RIN2: variants seen among roughly 807,000 people sequenced by gnomAD.
RIN2 encodes the protein Ras and Rab interactor 2, also known as RAB5 interacting protein 2.
Under a neutral mutation model 78.0 loss-of-function variants are expected in RIN2, and 36 were observed. The observed-to-expected ratio is 0.46, with a 90% confidence interval of 0.35 to 0.61. RIN2 has a LOEUF of 0.61. Among genes scored for constraint, RIN2 ranks in the 20% least tolerant of loss-of-function variants. The pLI is 0.00. For missense variants in RIN2, 1,087 were observed against 1,159.7 expected, an observed-to-expected ratio of 0.94 and a Z score of 0.91; for synonymous variants, 466 against 466.8, an observed-to-expected ratio of 1.00 and a Z score of 0.02.
chr20:19,951,013 T>C (rs934251340), intron 4 of RIN2, among the ~76,000 whole-genome samples: 14 of 151,924 alleles, frequency 9.2e-5, no homozygotes, highest in African/African-American at 3.4e-4. Flanking sequence ...CCTCAGACTC[T>C]TGAGTAGCTG....
chr20:19,960,926 C>T, intron 6 of RIN2, 115 bp downstream of exon 6: 2 of 642,066 alleles, frequency 3.1e-6, no homozygotes, highest in Admixed American at 5.8e-5. Flanking sequence ...TGAGTCTTGG[C>T]ACTGAATGAC....
At chr20:19,768,471 CG>C (rs1225531432) in intron 1 of RIN2, among the ~76,000 whole-genome samples, 1 of 152,196 alleles carries the variant, frequency 6.6e-6, no homozygotes, top group Non-Finnish European at 1.5e-5. Flanking sequence ...TCTCTGCATG[CG>C]GGCAAAGCGA....
At chr20:19,851,235 A>AT (rs2123187405) in intron 2 of RIN2, among the ~76,000 whole-genome samples, 1 of 152,186 alleles carries the variant, frequency 6.6e-6, no homozygotes, top group Non-Finnish European at 1.5e-5. Context: ...GGCAGGTGAG[A>AT]TGATGCTGGG....
intron 2 of RIN2, among the ~76,000 whole-genome samples, chr20:19,829,355 AAG>A (rs2036185969): frequency 6.6e-6 from 1 of 152,166 alleles, no homozygotes; most frequent in South Asian, 2.1e-4. Context: ...AAGCCAAAAA[AAG>A]AAAAAAAAAT....
chr20:19,885,722 C>T (rs1265099582), intron 2 of RIN2, among the ~76,000 whole-genome samples: 4 of 151,032 alleles, frequency 2.6e-5, no homozygotes, highest in Non-Finnish European at 5.9e-5. Context: ...AGAAAATTTT[C>T]GAAGACAGGA....
intron 3 of RIN2, among the ~76,000 whole-genome samples, chr20:19,919,258 C>G (rs1360058151): frequency 6.6e-6 from 1 of 152,146 alleles, no homozygotes; most frequent in Non-Finnish European, 1.5e-5. Context: ...TTGTAAATTC[C>G]AGGATGCTGG....
At chr20:19,939,387 C>T (rs890833075) in intron 4 of RIN2, among the ~76,000 whole-genome samples, 1 of 152,198 alleles carries the variant, frequency 6.6e-6, no homozygotes, top group African/African-American at 2.4e-5. Flanking sequence ...CACTTCTCAC[C>T]AGCACCACTG....
intron 2 of RIN2, among the ~76,000 whole-genome samples, chr20:19,881,450 T>C (rs2038024612): frequency 2.6e-5 from 4 of 152,198 alleles, no homozygotes; most frequent in Admixed American, 6.5e-5. Flanking sequence ...AGAAGCAAAT[T>C]AGTACATGAG....
At chr20:19,885,424 G>A (rs1019170954) in intron 2 of RIN2, among the ~76,000 whole-genome samples, 1 of 152,146 alleles carries the variant, frequency 6.6e-6, no homozygotes, top group African/African-American at 2.4e-5. Flanking sequence ...CCAGCACTTT[G>A]GGAGGCCGAG....
intron 2 of RIN2, among the ~76,000 whole-genome samples, chr20:19,822,706 T>C (rs1278262105): frequency 6.6e-6 from 1 of 152,184 alleles, no homozygotes; most frequent in Non-Finnish European, 1.5e-5. Context: ...AAGCACCAAA[T>C]ACATCTATTT....
chr20:19,802,464 G>T (rs1034426739), intron 2 of RIN2, among the ~76,000 whole-genome samples: 1 of 124,754 alleles, frequency 8.0e-6, no homozygotes, highest in Non-Finnish European at 1.6e-5. Flanking sequence ...TCTACAAAAA[G>T]TTTCTTTAAA....
chr20:19,930,238 T>C (rs2040389805), intron 3 of RIN2, among the ~76,000 whole-genome samples: 1 of 152,042 alleles, frequency 6.6e-6, no homozygotes, highest in Admixed American at 6.6e-5. Flanking sequence ...TAGAGATAGG[T>C]GGCATGGCAA....
At chr20:19,803,391 G>A (rs2035307868) in intron 2 of RIN2, among the ~76,000 whole-genome samples, 1 of 152,160 alleles carries the variant, frequency 6.6e-6, no homozygotes, top group African/African-American at 2.4e-5. Context: ...TACAAAAACA[G>A]ACACATAGAC....
At chr20:19,767,637 C>A (rs1368903872) in intron 1 of RIN2, among the ~76,000 whole-genome samples, 1 of 151,910 alleles carries the variant, frequency 6.6e-6, no homozygotes, top group African/African-American at 2.4e-5. Context: ...GAATGCGAGG[C>A]TCCTGGCCAG....
chr20:19,995,748 G>A (rs1048727823), intron 11 of RIN2, among the ~76,000 whole-genome samples: 5 of 152,148 alleles, frequency 3.3e-5, no homozygotes, highest in African/African-American at 9.7e-5. Context: ...ACATTTTTGC[G>A]AACAGTTCTT....
chr20:19,986,663 C>T (rs34616669), intron 9 of RIN2, among the ~76,000 whole-genome samples: 2 of 151,924 alleles, frequency 1.3e-5, no homozygotes, highest in African/African-American at 4.8e-5. Context: ...GAAGCAGCTG[C>T]GAGCCTTTTG....
chr20:19,781,624 C>T (rs897445373), intron 1 of RIN2, among the ~76,000 whole-genome samples: 3 of 152,136 alleles, frequency 2.0e-5, no homozygotes, highest in African/African-American at 7.2e-5. Flanking sequence ...GACGGGGTTT[C>T]ACCATGTTGG....
chr20:19,975,556 G>A lies in RIN2; in HGVS notation c.1531G>A (p.Glu511Lys), dbSNP rs375079173. 21 of 1,614,038 alleles carry A rather than the reference G, an allele frequency of 1.3e-5. No individual in the cohort carries two copies. Among genetic ancestry groups the A allele is most frequent in the Admixed American group, 6.7e-5 (4 of 60,032 alleles). ...SGVFSSFMTPEKRMVRRIAEL... is the reference protein window; with the variant it reads ...SGVFSSFMTPKKRMVRRIAEL... The stretch of plus-strand genomic sequence containing the variant: ...GGTGTTCAGCTCCTTCATGACCCCG[G>A]AGAAGCGGATGGTCCGCAGGATCGC... The change falls in exon 9 of 13, where the codon GAG becomes AAG. Residue 511 changes from glutamate (E) to lysine (K), a missense_variant. Transcript: ENST00000255006. The surrounding 1 kb of genome is among the most constrained non-coding windows in gnomAD (Gnocchi z 4.9).
intron 2 of RIN2, among the ~76,000 whole-genome samples, chr20:19,835,075 G>GAA (rs1555829778): frequency 4.0e-5 from 6 of 148,842 alleles, no homozygotes; most frequent in East Asian, 4.0e-4. Context: ...AAAAGAGAAA[G>GAA]AGAAAGAAAG....
Sources: allele counts gnomAD v4.1 joint callset (sites outside exome capture counted in the v4.1 genomes callset), GRCh38; gene constraint gnomAD v4.1.1; non-coding constraint Gnocchi (gnomAD v3.1); transcripts MANE v1.5; gene names NCBI Gene and HGNC (gene_info 2026-07-23, HGNC 2026-07-21).